DENND2B: variants seen among roughly 807,000 people sequenced by gnomAD.
The protein encoded by DENND2B is DENN domain containing 2B, also known as DENN domain-containing protein 2B.
In DENND2B, 32 loss-of-function variants were observed where a neutral mutation model predicts 116.0. That is an observed-to-expected ratio of 0.28 (90% confidence interval 0.21 to 0.37). The LOEUF is 0.37. DENND2B is among the 10% of genes least tolerant of loss of function. The pLI, the probability that DENND2B is intolerant of heterozygous loss-of-function variation, is 1.00. For missense variants in DENND2B, 1,276 were observed against 1,477.7 expected, an observed-to-expected ratio of 0.86 and a Z score of 2.24; for synonymous variants, 588 against 583.9, an observed-to-expected ratio of 1.01 and a Z score of -0.10.
chr11:8,776,412 G>A (rs2057737524), intron 1 of DENND2B: 2 of 375,082 alleles, frequency 5.3e-6, no homozygotes, highest in Admixed American at 6.9e-5. Flanking sequence ...CCTTGTGCAA[G>A]ACACTAGCCC....
intron 11 of DENND2B, among the ~76,000 whole-genome samples, chr11:8,708,774 A>T (rs1429154375): frequency 1.3e-5 from 2 of 152,150 alleles, no homozygotes; most frequent in African/African-American, 4.8e-5. Flanking sequence ...CAACATGGAG[A>T]AACCCCATCT....
chr11:8,780,554 A>G (rs1456325395), intron 1 of DENND2B, among the ~76,000 whole-genome samples: 2 of 152,196 alleles, frequency 1.3e-5, no homozygotes, highest in African/African-American at 2.4e-5. Flanking sequence ...GAAGGACAAC[A>G]AAGTGTTTGT....
chr11:8,702,733 G>A lies in DENND2B; in HGVS notation c.2572-13C>T, dbSNP rs756974350. 11 of 1,353,946 alleles carry A rather than the reference G, an allele frequency of 8.1e-6. No individual in the cohort carries two copies. The highest frequency in any genetic ancestry group is 5.7e-5 in the Admixed American group (3 of 52,960). 83.9% of individuals were successfully genotyped at this position (1,353,946 alleles called of 1,614,324 possible). ...GCAGCTCTAACACCTGCAGGAGAGC[G>A]ATGGGAAAGTGGGCCGGGGCCAGCC... On this transcript the variant is annotated splice_polypyrimidine_tract_variant and intron_variant, in intron 13 of 19. Coordinates refer to ENST00000313726, the MANE Select transcript of DENND2B (RefSeq NM_213618.2). This position sits in a 1 kb window ranked among gnomAD's most constrained non-coding sequence, Gnocchi z 4.6.
chr11:8,696,326 TG>T (rs1384934249), intron 18 of DENND2B, 100 bp downstream of exon 18: 6 of 1,519,524 alleles, frequency 3.9e-6, no homozygotes, highest in Non-Finnish European at 5.3e-6. Flanking sequence ...TTAAGAGGCC[TG>T]GCCCTAGCTG....
intron 3 of DENND2B, among the ~76,000 whole-genome samples, chr11:8,851,266 T>A (rs576626268): frequency 5.5e-4 from 83 of 152,062 alleles, no homozygotes; most frequent in African/African-American, 1.9e-3. Flanking sequence ...TATATATATA[T>A]AAATCAAAAC....
Position 8,750,703 on chromosome 11 carries a change from C to A in DENND2B, c.-3G>T. 6.2e-7 allele frequency: 1 copy of A among 1,614,152 alleles called. No homozygotes were observed. The highest frequency in any genetic ancestry group is 2.2e-5 in the East Asian group (1 of 44,868). On this transcript the variant is annotated 5_prime_UTR_variant, in exon 2 of 20. Transcript: ENST00000313726. Reference sequence around the variant, plus strand: ...TTCTTGTTGGCAGTCATGGTCATTTCGGCTCTCTGCAAACCCAGAGCCCTG... The same window carrying A: ...TTCTTGTTGGCAGTCATGGTCATTTAGGCTCTCTGCAAACCCAGAGCCCTG...
intron 3 of DENND2B, among the ~76,000 whole-genome samples, chr11:8,843,706 C>T (rs2062706228): frequency 6.6e-6 from 1 of 152,124 alleles, no homozygotes; most frequent in Non-Finnish European, 1.5e-5. Flanking sequence ...GTCTGGCTGC[C>T]GTAAATCACC....
intron 1 of DENND2B, among the ~76,000 whole-genome samples, chr11:8,790,567 G>A (rs138134665): frequency 2.0e-5 from 3 of 152,156 alleles, no homozygotes; most frequent in African/African-American, 7.2e-5. Flanking sequence ...CCAAGAGTTC[G>A]AGACCAACCT....
At chr11:8,751,983 C>T (rs2052590749) in intron 1 of DENND2B, among the ~76,000 whole-genome samples, 1 of 152,198 alleles carries the variant, frequency 6.6e-6, no homozygotes, top group Non-Finnish European at 1.5e-5. Flanking sequence ...ACTGAGCACC[C>T]ATGTCCACGG....
intron 1 of DENND2B, among the ~76,000 whole-genome samples, chr11:8,752,049 C>A (rs980474823): frequency 2.0e-5 from 3 of 152,182 alleles, no homozygotes; most frequent in Non-Finnish European, 4.4e-5. Context: ...CAGCTTACAT[C>A]CCAGTGGGGA....
At chr11:8,873,294 T>C (rs1460698045), upstream of DENND2B, among the ~76,000 whole-genome samples, 4 of 152,250 alleles carry the variant, frequency 2.6e-5, no homozygotes, top group Non-Finnish European at 5.9e-5. Context: ...TGCTGCCTCT[T>C]ATATGTGCTG....
chr11:8,767,538 A>G (rs762088739), intron 1 of DENND2B, among the ~76,000 whole-genome samples: 2 of 152,242 alleles, frequency 1.3e-5, no homozygotes, highest in Non-Finnish European at 1.5e-5. Context: ...TGTTCATCAC[A>G]GTATTCCAGA....
chr11:8,898,843 C>G (rs1361735187), intron 1 of DENND2B, among the ~76,000 whole-genome samples: 1 of 151,726 alleles, frequency 6.6e-6, no homozygotes, highest in Non-Finnish European at 1.5e-5. Flanking sequence ...AAAGTGGGGC[C>G]CATATATAGA....
At chr11:8,774,748 G>A (rs1036079208) in intron 1 of DENND2B, among the ~76,000 whole-genome samples, 5 of 152,162 alleles carry the variant, frequency 3.3e-5, no homozygotes, top group Admixed American at 6.5e-5. Context: ...GCCCAACCCC[G>A]GGGCCTCAGA....
intron 3 of DENND2B, among the ~76,000 whole-genome samples, chr11:8,846,239 T>C (rs2062808727): frequency 6.6e-6 from 1 of 152,204 alleles, no homozygotes; most frequent in Non-Finnish European, 1.5e-5. Context: ...ACAGTGTCTA[T>C]GCTAAGAGAA....
intron 1 of DENND2B, among the ~76,000 whole-genome samples, chr11:8,882,384 A>G (rs891787): frequency 0.017 from 2,522 of 152,262 alleles, 59 homozygotes; most frequent in African/African-American, 0.057. Context: ...CCCAAGGCTC[A>G]CTTCATAGCC....
rs774467881 is a variant in DENND2B, at chr11:8,714,703, C to T, written c.1849G>A (p.Val617Ile). ...TTGTAGATGGAGTTAATTCTTTGGA[C>T]AAGCTGGGTGAGAAAAGCAGGATGG... ...SRRARRIPKL[V>I]QRINSIYNAK... is the part of the protein sequence containing the mutation. Residue 617 changes from valine (V) to isoleucine (I), a missense_variant, in exon 7 of 20, where the codon GTC becomes ATC. Coordinates refer to ENST00000313726, the MANE Select transcript of DENND2B (RefSeq NM_213618.2). 2.5e-6 allele frequency: 4 copies of T among 1,613,990 alleles called. No homozygotes were observed. The African/African-American group carries it at 5.3e-5, about 22-fold the overall frequency.
intron 1 of DENND2B, among the ~76,000 whole-genome samples, chr11:8,898,329 C>T (rs1479379360): frequency 2.6e-5 from 4 of 151,744 alleles, no homozygotes; most frequent in African/African-American, 9.7e-5. Context: ...AAATTCAAGT[C>T]CAGCCTGCAC....
At chr11:8,853,026 G>C (rs187092288) in intron 3 of DENND2B, among the ~76,000 whole-genome samples, 1 of 152,194 alleles carries the variant, frequency 6.6e-6, no homozygotes. Context: ...GAGGTGATTA[G>C]ATCACCAGGG....
Sources: allele counts gnomAD v4.1 joint callset (sites outside exome capture counted in the v4.1 genomes callset), GRCh38; gene constraint gnomAD v4.1.1; non-coding constraint Gnocchi (gnomAD v3.1); transcripts MANE v1.5; gene names NCBI Gene and HGNC (gene_info 2026-07-23, HGNC 2026-07-21).